ACTR3C: variants seen among roughly 807,000 people sequenced by gnomAD.
The protein encoded by ACTR3C is actin related protein 3C, also known as actin-related protein 3C.
A neutral mutation model predicts 26.3 loss-of-function variants in ACTR3C; 18 were observed. The ratio of observed to expected loss-of-function variants is 0.68; its 90% confidence interval spans 0.47 to 1.01. ACTR3C has a LOEUF of 1.01. Among genes scored for constraint, ACTR3C ranks in the 50% least tolerant of loss-of-function variants. ACTR3C has a pLI of 0.00. For synonymous variants in ACTR3C, 55 were observed against 94.5 expected, an observed-to-expected ratio of 0.58 and a Z score of 2.42; for missense variants, 184 against 250.7, an observed-to-expected ratio of 0.73 and a Z score of 1.80.
the ACTR3C span, among the ~76,000 whole-genome samples, chr7:150,151,551 C>G: frequency 1.5e-5 from 2 of 136,380 alleles, no homozygotes; most frequent in African/African-American, 2.5e-5. Context: ...AGATCTCTGT[C>G]TGAATTTGTT....
the ACTR3C span, among the ~76,000 whole-genome samples, chr7:150,199,735 A>AAC: frequency 7.7e-6 from 1 of 129,036 alleles, no homozygotes; most frequent in East Asian, 2.3e-4. Flanking sequence ...CAAAAAAAAA[A>AAC]AAAAAAAAAA....
chr7:149,912,429 G>A, the ACTR3C span, among the ~76,000 whole-genome samples: 1 of 151,328 alleles, frequency 6.6e-6, no homozygotes, highest in African/African-American at 2.4e-5. Context: ...AAGTCACACG[G>A]GTACCTTAAG....
chr7:149,928,381 CTTTTTT>C, the ACTR3C span, among the ~76,000 whole-genome samples: 1 of 106,832 alleles, frequency 9.4e-6, no homozygotes, highest in Admixed American at 9.8e-5. Flanking sequence ...TTTTGTATTT[CTTTTTT>C]TTTTTTTTTT....
chr7:150,149,908 C>T, the ACTR3C span, among the ~76,000 whole-genome samples: 16 of 152,244 alleles, frequency 1.1e-4, no homozygotes, highest in South Asian at 2.1e-4. Context: ...TATATGTGCA[C>T]ACTGAGAAAA....
the ACTR3C span, among the ~76,000 whole-genome samples, chr7:150,173,669 T>C: frequency 5.9e-4 from 77 of 130,318 alleles, no homozygotes; most frequent in African/African-American, 2.6e-3. Context: ...TAGGTGTTTC[T>C]TTTCTATCAC....
the ACTR3C span, among the ~76,000 whole-genome samples, chr7:149,989,631 T>C: frequency 6.6e-6 from 1 of 152,256 alleles, no homozygotes; most frequent in Admixed American, 6.5e-5. Context: ...TAAGGCTGCA[T>C]AGTATTCCAT....
chr7:150,261,117 A>C (rs71238210), intron 6 of ACTR3C, among the ~76,000 whole-genome samples: 2 of 152,348 alleles, frequency 1.3e-5, no homozygotes, highest in South Asian at 2.1e-4. Flanking sequence ...TTATAATTTC[A>C]AAGTCATGCT....
the ACTR3C span, among the ~76,000 whole-genome samples, chr7:150,035,710 CA>C: frequency 8.0e-5 from 11 of 138,246 alleles, 1 homozygote; most frequent in Non-Finnish European, 1.1e-4. Context: ...GGTCCTAAGC[CA>C]GGGGGTGAAG....
chr7:150,039,380 T>TAC, the ACTR3C span, among the ~76,000 whole-genome samples: 1 of 86,166 alleles, frequency 1.2e-5, no homozygotes, highest in Admixed American at 1.3e-4. Flanking sequence ...GCGATGGGGG[T>TAC]CCTAAGAACC....
At chr7:149,897,295 A>C in the ACTR3C span, among the ~76,000 whole-genome samples, 1 of 152,330 alleles carries the variant, frequency 6.6e-6, no homozygotes, top group South Asian at 2.1e-4. Flanking sequence ...CTAAACAAAC[A>C]TAATAAAAGT....
chr7:150,252,341 A>T (rs1832913620), intron 6 of ACTR3C, among the ~76,000 whole-genome samples: 2 of 152,204 alleles, frequency 1.3e-5, no homozygotes, highest in African/African-American at 4.8e-5. Context: ...TGCAGCATAC[A>T]TTGCAAACAA....
At chr7:149,984,449 C>A in the ACTR3C span, among the ~76,000 whole-genome samples, 2 of 151,750 alleles carry the variant, frequency 1.3e-5, no homozygotes, top group African/African-American at 4.9e-5. Flanking sequence ...AATGATCCAC[C>A]CGCCTCAGCC....
the ACTR3C span, among the ~76,000 whole-genome samples, chr7:149,894,786 T>G: frequency 2.6e-5 from 4 of 151,586 alleles, no homozygotes; most frequent in Non-Finnish European, 4.4e-5. Flanking sequence ...ACACTATAGG[T>G]GGGAATGCAA....
the ACTR3C span, among the ~76,000 whole-genome samples, chr7:150,117,579 C>T: frequency 6.6e-6 from 1 of 152,212 alleles, no homozygotes; most frequent in African/African-American, 2.4e-5. Flanking sequence ...GGCAGCAGCC[C>T]CAGTCAGGGG....
chr7:149,949,341 A>G, the ACTR3C span, among the ~76,000 whole-genome samples: 1 of 145,016 alleles, frequency 6.9e-6, no homozygotes, highest in Non-Finnish European at 1.5e-5. Flanking sequence ...GCACCATTGC[A>G]CTCCAGTTTG....
At chr7:150,254,072 TA>T (rs1055964156) in intron 6 of ACTR3C, among the ~76,000 whole-genome samples, 1 of 152,206 alleles carries the variant, frequency 6.6e-6, no homozygotes, top group African/African-American at 2.4e-5. Context: ...AAGCCAAGGG[TA>T]ACTAGTGTTT....
At chr7:150,066,162 A>G in the ACTR3C span, among the ~76,000 whole-genome samples, 2 of 152,174 alleles carry the variant, frequency 1.3e-5, no homozygotes, top group African/African-American at 2.4e-5. Context: ...ACACACACAC[A>G]AAGGAAGGAA....
the ACTR3C span, among the ~76,000 whole-genome samples, chr7:150,233,248 A>G: frequency 6.6e-6 from 1 of 150,532 alleles, no homozygotes; most frequent in Non-Finnish European, 1.5e-5. Flanking sequence ...ACTTCACTCC[A>G]GTCTTCTTGC....
chr7:150,317,416 A>T (rs1797044510), intron 1 of ACTR3C, among the ~76,000 whole-genome samples: 1 of 152,160 alleles, frequency 6.6e-6, no homozygotes, highest in Non-Finnish European at 1.5e-5. Flanking sequence ...CCCATTTATT[A>T]ATATTAAACC....
Sources: gnomAD v4.1 joint callset for allele counts (sites outside exome capture counted in the v4.1 genomes callset) on GRCh38, gnomAD v4.1.1 for gene constraint, MANE v1.5 for transcripts, NCBI Gene and HGNC (gene_info 2026-07-23, HGNC 2026-07-21) for gene names.